Variants in NCAM1 observed in about 807,000 individuals in gnomAD.
The protein encoded by NCAM1 is neural cell adhesion molecule 1.
Under a neutral mutation model 109.8 loss-of-function variants are expected in NCAM1, and 14 were observed. That is an observed-to-expected ratio of 0.13 (90% CI 0.08 to 0.20). The LOEUF is 0.20. NCAM1 is among the 10% of genes least tolerant of loss of function. The pLI is 1.00. For synonymous variants in NCAM1, 418 were observed against 442.9 expected (o/e 0.94, Z 0.70); for missense variants, 774 against 1,109.9 (o/e 0.70, Z 4.30).
intron 8 of NCAM1, among the ~76,000 whole-genome samples, chr11:113,217,679 C>T (rs1555114586): frequency 6.6e-6 from 1 of 152,146 alleles, no homozygotes; most frequent in Non-Finnish European, 1.5e-5. Flanking sequence ...TACATGATCC[C>T]CATTTAAGCC....
intron 17 of NCAM1, among the ~76,000 whole-genome samples, chr11:113,268,688 C>T (rs782278239): frequency 3.3e-5 from 5 of 152,192 alleles, no homozygotes; most frequent in Admixed American, 6.5e-5. Flanking sequence ...ACCACCCTCC[C>T]GCAAATACAG....
intron 9 of NCAM1, among the ~76,000 whole-genome samples, chr11:113,227,104 G>T (rs190861204): frequency 3.3e-5 from 5 of 151,980 alleles, no homozygotes; most frequent in African/African-American, 9.7e-5. Context: ...AGGAGACAGA[G>T]ACACAAAAAA....
At chr11:113,057,020 C>A (rs1436108) in intron 1 of NCAM1, among the ~76,000 whole-genome samples, 126,389 of 152,172 alleles carry the variant, frequency 0.83, 52,834 homozygotes, top group African/African-American at 0.93. Flanking sequence ...ACAAAGAATA[C>A]GTATGTCATA....
chr11:113,026,013 T>A (rs1952535216), intron 1 of NCAM1, among the ~76,000 whole-genome samples: 1 of 152,170 alleles, frequency 6.6e-6, no homozygotes, highest in South Asian at 2.1e-4. Context: ...TCAGCAAATA[T>A]TTATGGAGAG....
chr11:113,051,263 A>G (rs1308771309), intron 1 of NCAM1, among the ~76,000 whole-genome samples: 2 of 152,230 alleles, frequency 1.3e-5, no homozygotes, highest in Non-Finnish European at 2.9e-5. Flanking sequence ...TTAAGTTCCA[A>G]TTTAAGATGA....
At chr11:113,005,142 A>G (rs1951862201) in intron 1 of NCAM1, among the ~76,000 whole-genome samples, 1 of 151,712 alleles carries the variant, frequency 6.6e-6, no homozygotes, top group Non-Finnish European at 1.5e-5. Flanking sequence ...TTCTCCCTAG[A>G]TAGTCTTCAT....
Position 113,206,155 on chromosome 11 carries a change from C to T in NCAM1, c.603C>T (p.Phe201=). Residue 201 remains phenylalanine (F), a synonymous_variant, in exon 5 of 20, where the codon TTC becomes TTT. Coordinates refer to ENST00000316851, the MANE Select transcript of NCAM1 (RefSeq NM_181351.5). ...GRILARGEIN[F]KDIQVIVNVP... is the part of the protein sequence containing the mutation. Reference sequence around the variant, plus strand: ...TCCTGGCACGGGGGGAGATCAACTTCAAGGACATTCAGGTCATTGTGAATG... The same window carrying T: ...TCCTGGCACGGGGGGAGATCAACTTTAAGGACATTCAGGTCATTGTGAATG... 4.3e-6 allele frequency: 7 copies of T among 1,613,088 alleles called. No individual in the cohort carries two copies. The highest frequency in any genetic ancestry group is 5.9e-6 in the Non-Finnish European group (7 of 1,179,448).
chr11:113,105,952 A>C (rs1323389573), intron 1 of NCAM1, among the ~76,000 whole-genome samples: 8 of 152,250 alleles, frequency 5.3e-5, no homozygotes, highest in African/African-American at 1.9e-4. Context: ...GAAAAATAGA[A>C]AAATTATGTT....
rs533370685 is a variant in NCAM1, at chr11:112,992,975, T to A, written c.52+31311T>A. 2.6e-5 allele frequency among the ~76,000 whole-genome samples: 4 copies of A among 152,346 alleles called. No homozygotes were observed. In the South Asian group the frequency reaches 6.2e-4, roughly 24 times the overall value. On this transcript the variant is annotated intron_variant, in intron 1 of 19. Coordinates refer to ENST00000316851, the MANE Select transcript of NCAM1 (RefSeq NM_181351.5). The stretch of plus-strand genomic sequence containing the variant: ...CATGCTATGATAAAAGAAGTGTATA[T>A]CCCTATGTCACCCTACTTCACTAAA...
chr11:113,195,564 G>A (rs1239351073), intron 1 of NCAM1, among the ~76,000 whole-genome samples: 3 of 144,942 alleles, frequency 2.1e-5, no homozygotes, highest in South Asian at 2.2e-4. Flanking sequence ...GTGCAGTGGC[G>A]CGATCTCGGC....
At position 113,025,501 on chromosome 11, in the gene NCAM1, G is replaced by GTGAA. The variant is rs556680483; in HGVS notation, c.52+63859_52+63862dup. On this transcript the variant is annotated intron_variant, in intron 1 of 19. Transcript: ENST00000316851. ...AGACACATGGTGTAAACGTAAAAGA[G>GTGAA]TGAATGAATGAATGAATGAATGAAT... Among the ~76,000 whole-genome samples, 1,299 of 152,138 alleles carry GTGAA rather than the reference G, an allele frequency of 8.5e-3. 21 individuals are homozygous for GTGAA. The highest frequency in any genetic ancestry group is 0.029 in the African/African-American group (1,194 of 41,500).
At chr11:112,986,482 T>C (rs903745669) in intron 1 of NCAM1, among the ~76,000 whole-genome samples, 25 of 152,034 alleles carry the variant, frequency 1.6e-4, no homozygotes, top group Non-Finnish European at 2.9e-5. Context: ...TTGAGAAGAA[T>C]TGGTATTAAT....
intron 1 of NCAM1, among the ~76,000 whole-genome samples, chr11:113,124,172 C>T (rs57290077): frequency 2.0e-5 from 3 of 152,274 alleles, no homozygotes; most frequent in East Asian, 1.9e-4. Context: ...GCAGAAGACC[C>T]GGAGCTAATT....
At chr11:112,980,511 A>T (rs1951124981) in intron 1 of NCAM1, among the ~76,000 whole-genome samples, 1 of 151,948 alleles carries the variant, frequency 6.6e-6, no homozygotes, top group Non-Finnish European at 1.5e-5. Context: ...TGCAGTACTG[A>T]TACATACTAC....
At chr11:113,091,450 C>T (rs1253576973) in intron 1 of NCAM1, among the ~76,000 whole-genome samples, 1 of 152,098 alleles carries the variant, frequency 6.6e-6, no homozygotes, top group African/African-American at 2.4e-5. Flanking sequence ...ATTGTTATAT[C>T]CTTGGAAATA....
intron 1 of NCAM1, among the ~76,000 whole-genome samples, chr11:113,175,205 C>T (rs1056929825): frequency 1.3e-5 from 2 of 152,150 alleles, no homozygotes; most frequent in East Asian, 1.9e-4. Context: ...TAATGCAACA[C>T]GAGGAGTTGA....
intron 15 of NCAM1, among the ~76,000 whole-genome samples, chr11:113,251,747 A>G (rs1192759094): frequency 6.6e-6 from 1 of 152,144 alleles, no homozygotes; most frequent in Non-Finnish European, 1.5e-5. Flanking sequence ...AATAATTACA[A>G]TAATGGTTTT....
intron 1 of NCAM1, among the ~76,000 whole-genome samples, chr11:113,117,403 G>T (rs1940757845): frequency 1.3e-5 from 2 of 151,902 alleles, no homozygotes; most frequent in African/African-American, 4.9e-5. Flanking sequence ...CCTCTTCTCA[G>T]CATTCAGCCT....
intron 9 of NCAM1, among the ~76,000 whole-genome samples, chr11:113,224,925 C>T (rs1416267494): frequency 3.9e-5 from 6 of 152,192 alleles, no homozygotes; most frequent in African/African-American, 1.4e-4. Context: ...CACCAAAACC[C>T]CATCTGCATG....
Sources: allele counts gnomAD v4.1 joint callset (sites outside exome capture counted in the v4.1 genomes callset), GRCh38; gene constraint gnomAD v4.1.1; transcripts MANE v1.5; gene names NCBI Gene and HGNC (gene_info 2026-07-23, HGNC 2026-07-21).